The following NUGGC variants were observed in gnomAD, a reference collection of about 807,000 sequenced individuals.
NUGGC encodes nuclear GTPase, germinal center associated, also known as nuclear GTPase SLIP-GC.
NUGGC carries 58 observed loss-of-function variants against 92.6 expected under a neutral mutation model. The observed-to-expected ratio is 0.63, with a 90% confidence interval of 0.51 to 0.78. The LOEUF is 0.78. Among genes scored for constraint, NUGGC ranks in the 30% least tolerant of loss-of-function variants. The pLI is 0.00. For synonymous variants in NUGGC, 376 were observed against 366.4 expected, an observed-to-expected ratio of 1.03 and a Z score of -0.30; for missense variants, 925 against 964.6, an observed-to-expected ratio of 0.96 and a Z score of 0.54.
At position 28,067,866 on chromosome 8, in the gene NUGGC, T is replaced by C. The variant is rs1424338941; in HGVS notation, c.481-122A>G. The C allele has an allele frequency of 1.3e-5, 10 of 745,444 alleles. No homozygotes were observed. In the East Asian group the frequency reaches 2.7e-4, roughly 20 times the overall value. The allele number at this position is 745,444 out of a possible 1,614,324, so 46.2% of individuals were successfully genotyped here. On this transcript the variant is annotated intron_variant, in intron 5 of 18. Transcript: ENST00000413272. ...CTGCATATTCAGAAAATCTAGGTCA[T>C]CTATCTGGGGTCTCGAAGAGGGGAA...
chr8:28,030,428 T>C lies in NUGGC; in HGVS notation c.1909-10A>G, dbSNP rs1809387192. 5 of 1,495,766 alleles carry C rather than the reference T, an allele frequency of 3.3e-6. No homozygotes were observed. The highest frequency in any genetic ancestry group is 3.7e-6 in the Non-Finnish European group (4 of 1,091,594). 92.7% of individuals were successfully genotyped at this position (1,495,766 alleles called of 1,614,324 possible). A position where few individuals can be genotyped will look rare whatever the true frequency, so the allele number is the denominator to read the frequency against. ...CGAGGATGGCACTTATCTGGGAAGA[T>C]GTGGCAAAAGAGGCCGTTGGTGACA... On this transcript the variant is annotated splice_polypyrimidine_tract_variant and intron_variant, in intron 15 of 18. Coordinates refer to ENST00000413272, the MANE Select transcript of NUGGC (RefSeq NM_001010906.2).
chr8:28,064,617 G>T lies in NUGGC; in HGVS notation c.826C>A (p.Leu276Ile). 6.2e-7 allele frequency: 1 copy of T among 1,614,044 alleles called. No homozygotes were observed. The highest frequency in any genetic ancestry group is 8.5e-7 in the Non-Finnish European group (1 of 1,179,886). Residue 276 changes from leucine to isoleucine, a missense_variant, in exon 7 of 19, where the codon CTT (leucine) becomes ATT (isoleucine). Coordinates refer to ENST00000413272, the MANE Select transcript of NUGGC (RefSeq NM_001010906.2). ...WPLIKHVEVTLPKSDLIPEGV... is the reference protein window; with the variant it reads ...WPLIKHVEVTIPKSDLIPEGV... The stretch of plus-strand genomic sequence containing the variant: ...TCTGGGATCAGGTCGGATTTGGGAA[G>T]TGTCACTTCCACATGTTTGATCAAG...
chr8:28,068,189 G>A, intron 5 of NUGGC, 27 bp downstream of exon 5: 2 of 1,362,298 alleles, frequency 1.5e-6, no homozygotes, highest in Non-Finnish European at 2.0e-6. Flanking sequence ...AGGAAGGGAA[G>A]GAAGGAGGGA....
intron 10 of NUGGC, among the ~76,000 whole-genome samples, chr8:28,050,637 C>T (rs1227760973): frequency 6.6e-6 from 1 of 151,780 alleles, no homozygotes; most frequent in Non-Finnish European, 1.5e-5. Context: ...ATGGTGAAAC[C>T]CTGTCTTCAC....
Position 28,067,747 on chromosome 8 carries a change from G to T in NUGGC, c.481-3C>A. The stretch of plus-strand genomic sequence containing the variant: ...TTCTTCAGCTCCTCCCTCCACTCCT[G>T]CCAAGGCAGAGTAGGGCCAAGCCCC... On this transcript the variant is annotated splice_region_variant and splice_polypyrimidine_tract_variant and intron_variant, in intron 5 of 18. Coordinates refer to ENST00000413272, the MANE Select transcript of NUGGC (RefSeq NM_001010906.2). 1 of 1,607,948 alleles carries T rather than the reference G, an allele frequency of 6.2e-7. No homozygotes were observed. Among genetic ancestry groups the T allele is most frequent in the Non-Finnish European group, 8.5e-7 (1 of 1,176,472 alleles).
intron 17 of NUGGC, among the ~76,000 whole-genome samples, chr8:28,027,820 C>T (rs1475447579): frequency 6.6e-6 from 1 of 152,120 alleles, no homozygotes; most frequent in Non-Finnish European, 1.5e-5. Flanking sequence ...GCTCCTAAAC[C>T]ACAAGAAGGA....
chr8:28,065,618 C>T (rs1179062212), intron 6 of NUGGC, among the ~76,000 whole-genome samples: 1 of 152,170 alleles, frequency 6.6e-6, no homozygotes, highest in Non-Finnish European at 1.5e-5. Context: ...GACAATGACA[C>T]ATCCATGCCA....
At chr8:28,065,152 CTTTTTTTTTTTT>C (rs5890398) in intron 6 of NUGGC, among the ~76,000 whole-genome samples, 1 of 79,884 alleles carries the variant, frequency 1.3e-5, no homozygotes, top group Non-Finnish European at 2.4e-5. Flanking sequence ...GAAATTGGAT[CTTTTTTTTTTTT>C]TTTTTTTTTT....
At chr8:28,080,221 C>T (rs1318762564) in intron 1 of NUGGC, among the ~76,000 whole-genome samples, 4 of 152,088 alleles carry the variant, frequency 2.6e-5, no homozygotes, top group Admixed American at 2.6e-4. Flanking sequence ...GGATTACAGG[C>T]ATGAGCCACC....
chr8:28,081,370 G>A (rs1229175376), intron 1 of NUGGC, among the ~76,000 whole-genome samples: 2 of 152,066 alleles, frequency 1.3e-5, no homozygotes, highest in Admixed American at 1.3e-4. Flanking sequence ...ATGTGATAAT[G>A]AATGCAAAAT....
intron 7 of NUGGC, among the ~76,000 whole-genome samples, chr8:28,062,143 A>G (rs919053515): frequency 6.6e-6 from 1 of 152,190 alleles, no homozygotes; most frequent in African/African-American, 2.4e-5. Flanking sequence ...CTGCTTCTCA[A>G]GTTAGAGAAA....
chr8:28,036,787 T>C (rs1287891715), intron 13 of NUGGC, among the ~76,000 whole-genome samples: 4 of 152,212 alleles, frequency 2.6e-5, no homozygotes, highest in Non-Finnish European at 4.4e-5. Flanking sequence ...CCACAACCTT[T>C]GTTGAGATCT....
chr8:28,077,595 G>A (rs767513901), intron 1 of NUGGC, among the ~76,000 whole-genome samples: 7 of 151,946 alleles, frequency 4.6e-5, no homozygotes, highest in Admixed American at 6.6e-5. Context: ...TACAGAACTA[G>A]GATTACCCCT....
At position 28,030,433 on chromosome 8, in the gene NUGGC, C is replaced by T; in HGVS notation, c.1909-15G>A. 1 of 1,403,250 alleles carries T rather than the reference C, an allele frequency of 7.1e-7. No individual in the cohort carries two copies. The highest frequency in any genetic ancestry group is 9.9e-7 in the Non-Finnish European group (1 of 1,008,496). 86.9% of individuals were successfully genotyped at this position (1,403,250 alleles called of 1,614,324 possible). A position where few individuals can be genotyped will look rare whatever the true frequency, so the allele number is the denominator to read the frequency against. ...ATGGCACTTATCTGGGAAGATGTGG[C>T]AAAAGAGGCCGTTGGTGACAATTCC... On this transcript the variant is annotated splice_polypyrimidine_tract_variant and intron_variant, in intron 15 of 18. Transcript: ENST00000413272.
intron 8 of NUGGC, 29 bp downstream of exon 8, chr8:28,060,397 C>T (rs913506283): frequency 6.2e-7 from 1 of 1,610,158 alleles, no homozygotes; most frequent in Admixed American, 1.7e-5. Flanking sequence ...CTGACTGGAG[C>T]CCACATCCTT....
At chr8:28,063,405 C>T (rs541282344) in intron 7 of NUGGC, among the ~76,000 whole-genome samples, 6 of 152,332 alleles carry the variant, frequency 3.9e-5, no homozygotes, top group African/African-American at 1.4e-4. Flanking sequence ...GTCGCTCTCT[C>T]GGCCGGGCCT....
chr8:28,040,453 T>G (rs1371049033), intron 13 of NUGGC, among the ~76,000 whole-genome samples: 1 of 152,190 alleles, frequency 6.6e-6, no homozygotes. Flanking sequence ...TCTAGGGCTT[T>G]GCCCGGGGCT....
At chr8:28,045,382 T>C (rs1809803178) in intron 12 of NUGGC, 145 bp downstream of exon 12, 1 of 711,684 alleles carries the variant, frequency 1.4e-6, no homozygotes, top group Non-Finnish European at 2.2e-6. Flanking sequence ...CCTCTAATTA[T>C]CTTTTTGTCC....
At chr8:28,029,138 G>A (rs546939680) in intron 17 of NUGGC, 128 bp downstream of exon 17, 2 of 902,722 alleles carry the variant, frequency 2.2e-6, no homozygotes, top group Non-Finnish European at 3.4e-6. Context: ...CTCTCAAGTC[G>A]AAGCCCCAGA....
Sources: allele counts gnomAD v4.1 joint callset (sites outside exome capture counted in the v4.1 genomes callset), GRCh38; gene constraint gnomAD v4.1.1; transcripts MANE v1.5; gene names NCBI Gene and HGNC (gene_info 2026-07-23, HGNC 2026-07-21).